PSMA8: variants seen among roughly 807,000 people sequenced by gnomAD.
PSMA8 encodes proteasome subunit alpha-type 8.
A neutral mutation model predicts 32.4 loss-of-function variants in PSMA8; 18 were observed. The observed-to-expected ratio is 0.56, with a 90% CI of 0.38 to 0.82. The LOEUF (loss-of-function observed/expected upper bound fraction) is 0.82. PSMA8 is among the 40% of genes least tolerant of loss of function. The pLI is 0.00. For synonymous variants in PSMA8, 104 were observed against 98.1 expected (o/e 1.06, Z -0.36); for missense variants, 298 against 300.7 (o/e 0.99, Z 0.07).
At chr18:26,134,109 T>C (rs1242569971) in intron 1 of PSMA8, 42 bp downstream of exon 1, 1 of 1,468,964 alleles carries the variant, frequency 6.8e-7, no homozygotes, top group Non-Finnish European at 9.5e-7. Flanking sequence ...CGCTCTGACC[T>C]GTCAGGCCAT....
intron 6 of PSMA8, among the ~76,000 whole-genome samples, chr18:26,188,861 G>A (rs939297456): frequency 6.6e-6 from 1 of 152,116 alleles, no homozygotes; most frequent in African/African-American, 2.4e-5. Flanking sequence ...AAAGACTTAA[G>A]CCTGTGACCT....
chr18:26,174,361 A>G (rs1018832850), intron 4 of PSMA8, among the ~76,000 whole-genome samples: 5 of 152,242 alleles, frequency 3.3e-5, no homozygotes, highest in African/African-American at 9.6e-5. Context: ...CCTTTCACTT[A>G]CAATATAGCT....
chr18:26,174,798 C>T (rs2055251350), intron 4 of PSMA8, among the ~76,000 whole-genome samples: 1 of 152,174 alleles, frequency 6.6e-6, no homozygotes, highest in Non-Finnish European at 1.5e-5. Context: ...ATTTTGTTAG[C>T]TATTTAAAGA....
At position 26,144,548 on chromosome 18, in the gene PSMA8, T is replaced by G; in HGVS notation, c.103-11T>G. On this transcript the variant is annotated splice_polypyrimidine_tract_variant and intron_variant, in intron 1 of 6. Coordinates refer to ENST00000415576, the MANE Select transcript of PSMA8 (RefSeq NM_001025096.2). ...ACATCTGAATATATATGTATTTTAA[T>G]GACTTGACAGGTCGGAATTCGAGGT... 1 of 1,608,690 alleles carries G rather than the reference T, an allele frequency of 6.2e-7. No homozygotes were observed. Among genetic ancestry groups the G allele is most frequent in the South Asian group, 1.1e-5 (1 of 90,828 alleles).
chr18:26,158,015 C>T (rs992064023), intron 3 of PSMA8, 107 bp from the exon 4 acceptor site: 14 of 725,032 alleles, frequency 1.9e-5, no homozygotes, highest in African/African-American at 3.6e-5. Context: ...TAATATATGT[C>T]GAATAAGAAT....
At chr18:26,187,309 T>C (rs1008109113) in intron 6 of PSMA8, among the ~76,000 whole-genome samples, 2 of 152,150 alleles carry the variant, frequency 1.3e-5, no homozygotes, top group African/African-American at 4.8e-5. Flanking sequence ...ATCATGCCAC[T>C]GCACTCCAGC....
chr18:26,190,874 A>G (rs1409115154), intron 6 of PSMA8, among the ~76,000 whole-genome samples: 2 of 152,220 alleles, frequency 1.3e-5, no homozygotes, highest in East Asian at 3.8e-4. Context: ...GTTTTTTTCC[A>G]CTAAACTGTG....
In PSMA8 at chr18:26,144,674, T is replaced by G. The variant is rs775376419; in HGVS notation, c.218T>G (p.Met73Arg). 1 of 1,613,906 alleles carries G rather than the reference T, an allele frequency of 6.2e-7. No individual in the cohort carries two copies. The highest frequency in any genetic ancestry group is 1.1e-5 in the South Asian group (1 of 91,072). ...TGTGCCCTTGATGACCATGTCTGCA[T>G]GGCTTTTGCAGGTACTTAAGGTCCT... is the stretch of plus-strand genomic sequence containing the variant. ...KICALDDHVC[M>R]AFAGLTADAR... The change falls in exon 2 of 7, where the codon ATG becomes AGG. Residue 73 changes from methionine to arginine, a missense_variant. By Grantham distance (91) the Met-to-Arg change is moderately conservative. Coordinates refer to ENST00000415576, the MANE Select transcript of PSMA8 (RefSeq NM_001025096.2).
At chr18:26,159,041 G>GCCACT (rs2055114395) in intron 4 of PSMA8, among the ~76,000 whole-genome samples, 1 of 151,956 alleles carries the variant, frequency 6.6e-6, no homozygotes, top group African/African-American at 2.4e-5. Flanking sequence ...GAGAAACCTA[G>GCCACT]CTTCCAGGAG....
At chr18:26,152,508 A>G (rs1568058428) in intron 3 of PSMA8, among the ~76,000 whole-genome samples, 3 of 152,000 alleles carry the variant, frequency 2.0e-5, no homozygotes, top group Non-Finnish European at 4.4e-5. Flanking sequence ...TATTTTTTGT[A>G]CAGATGGGGT....
In PSMA8 at chr18:26,134,098, C is replaced by G. The variant is rs774915256; in HGVS notation, c.102+31C>G. On this transcript the variant is annotated intron_variant, in intron 1 of 6. Transcript: ENST00000415576. ...GAAGCAACTATTACCGGACTATTCC[C>G]CGCTCTGACCTGTCAGGCCATCGTT... The G allele has an allele frequency of 9.8e-6, 15 of 1,524,000 alleles. No individual in the cohort carries two copies. In the South Asian group the frequency reaches 1.7e-4, roughly 17 times the overall value. The allele number at this position is 1,524,000 out of a possible 1,614,324, so 94.4% of individuals were successfully genotyped here.
At chr18:26,138,982 T>G (rs371076590) in intron 1 of PSMA8, among the ~76,000 whole-genome samples, 4 of 152,240 alleles carry the variant, frequency 2.6e-5, no homozygotes, top group South Asian at 4.2e-4. Flanking sequence ...GTTGAGATGC[T>G]TATGGAAACT....
At chr18:26,164,532 T>G (rs193103925) in intron 4 of PSMA8, among the ~76,000 whole-genome samples, 200 of 152,336 alleles carry the variant, frequency 1.3e-3, no homozygotes, top group South Asian at 4.4e-3. Context: ...CTTAGTAGTA[T>G]TATTGTCATT....
chr18:26,170,811 A>G, intron 4 of PSMA8: 2 of 1,558,424 alleles, frequency 1.3e-6, no homozygotes, highest in Non-Finnish European at 1.7e-6. Context: ...TTCTGGCAGA[A>G]GTTTATATTT....
chr18:26,182,494 G>T (rs1378649518), intron 6 of PSMA8, among the ~76,000 whole-genome samples: 1 of 152,114 alleles, frequency 6.6e-6, no homozygotes, highest in African/African-American at 2.4e-5. Context: ...CCACTACTGA[G>T]ACCTAACACT....
At chr18:26,138,871 C>A (rs552426335) in intron 1 of PSMA8, among the ~76,000 whole-genome samples, 2 of 152,182 alleles carry the variant, frequency 1.3e-5, no homozygotes, top group Admixed American at 1.3e-4. Context: ...AGTTGGTGTC[C>A]CTGTTTCTGG....
intron 4 of PSMA8, among the ~76,000 whole-genome samples, chr18:26,175,791 A>G (rs982996158): frequency 2.0e-5 from 3 of 152,316 alleles, no homozygotes; most frequent in Middle Eastern, 3.4e-3. Context: ...AAGTAGGCAG[A>G]TGCTGGTATT....
Position 26,170,707 on chromosome 18 carries a change from A to G in PSMA8, c.478-8123A>G, listed in dbSNP as rs1262325202. 7 of 1,467,512 alleles carry G rather than the reference A, an allele frequency of 4.8e-6. 1 individual carries two copies. Among genetic ancestry groups the G allele is most frequent in the South Asian group, 1.2e-5 (1 of 86,784 alleles). 90.9% of individuals were successfully genotyped at this position (1,467,512 alleles called of 1,614,324 possible). A position where few individuals can be genotyped will look rare whatever the true frequency, so the allele number is the denominator to read the frequency against. ...AGAGGGAGGGGGAACAACTTAAACT[A>G]GAAAACACCTTCATATTAATCATTC... On this transcript the variant is annotated intron_variant, in intron 4 of 6. Coordinates refer to ENST00000415576, the MANE Select transcript of PSMA8 (RefSeq NM_001025096.2).
intron 4 of PSMA8, among the ~76,000 whole-genome samples, chr18:26,162,312 C>A (rs1045261569): frequency 6.6e-6 from 1 of 152,074 alleles, no homozygotes; most frequent in African/African-American, 2.4e-5. Flanking sequence ...TTTCCATCCC[C>A]TTTCCCTCCT....
Sources: allele counts gnomAD v4.1 joint callset (sites outside exome capture counted in the v4.1 genomes callset), GRCh38; gene constraint gnomAD v4.1.1; transcripts MANE v1.5; gene names NCBI Gene and HGNC (gene_info 2026-07-23, HGNC 2026-07-21).